Variants in ZBTB38 observed in about 807,000 individuals in gnomAD.
ZBTB38 encodes the protein zinc finger and BTB domain containing 38.
ZBTB38 carries 20 observed loss-of-function variants against 76.8 expected under a neutral mutation model. The observed-to-expected ratio is 0.26, with a 90% CI of 0.18 to 0.38. The LOEUF is 0.38. Ranked by LOEUF, ZBTB38 falls within the 10% of genes least tolerant of loss-of-function variation. ZBTB38 has a pLI of 1.00. For synonymous variants in ZBTB38, 504 were observed against 544.2 expected (o/e 0.93, Z 1.03); for missense variants, 1,082 against 1,482.3 (o/e 0.73, Z 4.43).
intron 5 of ZBTB38, chr3:141,426,315 A>C: frequency 1.5e-5 from 10 of 657,166 alleles, no homozygotes; most frequent in Non-Finnish European, 2.3e-5. Context: ...CATTGATCTC[A>C]AATTCTTTTT....
At chr3:141,374,208 T>C (rs534586082) in intron 2 of ZBTB38, among the ~76,000 whole-genome samples, 1 of 152,242 alleles carries the variant, frequency 6.6e-6, no homozygotes, top group South Asian at 2.1e-4. Flanking sequence ...ATCATTATTT[T>C]AAAGATTTTT....
At chr3:141,418,572 G>A (rs1252606127) in intron 5 of ZBTB38, among the ~76,000 whole-genome samples, 1 of 152,108 alleles carries the variant, frequency 6.6e-6, no homozygotes, top group African/African-American at 2.4e-5. Flanking sequence ...CTGAATGAGG[G>A]AAGAAATAAA....
chr3:141,384,256 A>G (rs977382506), intron 3 of ZBTB38, among the ~76,000 whole-genome samples: 1 of 152,248 alleles, frequency 6.6e-6, no homozygotes, highest in African/African-American at 2.4e-5. Flanking sequence ...TACAAGTACC[A>G]GTAGGGGACC....
At chr3:141,393,693 G>T (rs2149388578) in intron 4 of ZBTB38, among the ~76,000 whole-genome samples, 1 of 152,286 alleles carries the variant, frequency 6.6e-6, no homozygotes, top group African/African-American at 2.4e-5. Context: ...GCAGTCAGGA[G>T]GCAGCCAGGG....
Position 141,444,132 on chromosome 3 carries a change from C to T in ZBTB38, c.1744C>T (p.Arg582Ter). 4 of 1,613,848 alleles carry T rather than the reference C, an allele frequency of 2.5e-6. No individual in the cohort carries two copies. The highest frequency in any genetic ancestry group is 1.1e-5 in the South Asian group (1 of 91,068). ...CAAGAGAGCCCCTTATAAGAGCTAC[C>T]GAAATTCTTCCTATGAAAATGCACG... ...KCKRAPYKSYRNSSYENAREN... is the reference protein window; with the variant it reads ...KCKRAPYKSY The change falls in exon 6 of 6, where the codon CGA becomes TGA. Residue 582 changes from arginine (R) to a stop codon, truncating the protein, a stop_gained. Transcript: ENST00000321464. LOFTEE classifies it high-confidence loss of function. This position sits in a 1 kb window ranked among gnomAD's most constrained non-coding sequence, Gnocchi z 5.1.
upstream of ZBTB38, among the ~76,000 whole-genome samples, chr3:141,366,040 A>T (rs967725416): frequency 1.2e-4 from 18 of 152,188 alleles, no homozygotes; most frequent in Non-Finnish European, 1.5e-5. Context: ...AAGGAGGAGG[A>T]TGCTCCACTT....
Position 141,381,445 on chromosome 3 carries a change from C to A in ZBTB38, c.-214C>A, listed in dbSNP as rs1296258368. On this transcript the variant is annotated 5_prime_UTR_variant, in exon 3 of 6. Coordinates refer to ENST00000321464, the MANE Select transcript of ZBTB38 (RefSeq NM_001376113.1). ...TCCAGCTCTTTCCTGGAGAGTAACC[C>A]CAGTTTGGTCCACAAGGCTTGCTGC... The A allele has an allele frequency of 2.0e-5, 3 of 152,350 alleles. No homozygotes were observed. The highest frequency in any genetic ancestry group is 7.2e-5 in the African/African-American group (3 of 41,454). The allele number at this position is 152,350 out of a possible 1,614,324, so 9.4% of individuals were successfully genotyped here.
Position 141,444,342 on chromosome 3 carries a change from G to A in ZBTB38, c.1954G>A (p.Gly652Ser). The change falls in exon 6 of 6, where the codon GGT becomes AGT. Residue 652 changes from glycine to serine, a missense_variant. By Grantham distance (56) the Gly-to-Ser change is moderately conservative. This residue lies in a region of ZBTB38 where 471 missense variants were observed against 581.0 expected (regional missense o/e 0.81). Coordinates refer to ENST00000321464, the MANE Select transcript of ZBTB38 (RefSeq NM_001376113.1). The surrounding 1 kb of genome is among the most constrained non-coding windows in gnomAD (Gnocchi z 5.1). ...TTCTGCCAATGTACAAAATGCAGAG[G>A]GTACCAAATGGGGAGAGGAGGCATT... ...PTSANVQNAE[G>S]TKWGEEALKM... is the part of the protein sequence containing the mutation. 1 of 1,614,120 alleles carries A rather than the reference G, an allele frequency of 6.2e-7. No homozygotes were observed. Among genetic ancestry groups the A allele is most frequent in the Non-Finnish European group, 8.5e-7 (1 of 1,180,022 alleles).
At chr3:141,408,345 G>A (rs1955356892) in intron 5 of ZBTB38, among the ~76,000 whole-genome samples, 1 of 152,176 alleles carries the variant, frequency 6.6e-6, no homozygotes, top group Non-Finnish European at 1.5e-5. Flanking sequence ...TCAGGAGTTC[G>A]GGACCAGCCT....
rs1337973650 is a variant in ZBTB38, at chr3:141,362,406, T to C, written c.-738-6215T>C. 2.6e-5 allele frequency among the ~76,000 whole-genome samples: 4 copies of C among 152,090 alleles called. No homozygotes were observed. The South Asian group carries it at 6.2e-4, about 24-fold the overall frequency. ...GTTATGATCTAAACCCCCCACATCA[T>C]TAACATAAAATAGATAACATAAAAT... On this transcript the variant is annotated intron_variant, in intron 1 of 7. Transcript: ENST00000509842.
intron 1 of ZBTB38, among the ~76,000 whole-genome samples, chr3:141,324,647 T>A (rs1255785840): frequency 6.6e-6 from 1 of 152,110 alleles, no homozygotes; most frequent in African/African-American, 2.4e-5. Flanking sequence ...GCGTAGTGCC[T>A]AACATGTTGA....
intron 1 of ZBTB38, among the ~76,000 whole-genome samples, chr3:141,369,585 A>G (rs1944242492): frequency 6.6e-6 from 1 of 152,182 alleles, no homozygotes; most frequent in Non-Finnish European, 1.5e-5. Context: ...TAGAAATCAT[A>G]CCCTGATTTT....
At chr3:141,361,784 T>C (rs1943833689) in intron 1 of ZBTB38, among the ~76,000 whole-genome samples, 1 of 152,186 alleles carries the variant, frequency 6.6e-6, no homozygotes, top group South Asian at 2.1e-4. Context: ...TCACTACTGA[T>C]GGAGCTTCAT....
intron 2 of ZBTB38, among the ~76,000 whole-genome samples, chr3:141,372,400 G>A (rs1386490834): frequency 3.3e-5 from 5 of 152,156 alleles, no homozygotes; most frequent in Non-Finnish European, 5.9e-5. Flanking sequence ...TATAATCCCT[G>A]CACTTTGGGA....
At chr3:141,334,574 G>A (rs946555609) in intron 1 of ZBTB38, among the ~76,000 whole-genome samples, 1 of 151,798 alleles carries the variant, frequency 6.6e-6, no homozygotes, top group Non-Finnish European at 1.5e-5. Flanking sequence ...GCTGTACATG[G>A]GATGTCACCA....
intron 1 of ZBTB38, among the ~76,000 whole-genome samples, chr3:141,328,672 T>C (rs967971006): frequency 6.6e-6 from 1 of 151,754 alleles, no homozygotes; most frequent in Non-Finnish European, 1.5e-5. Context: ...ACACAGAGCG[T>C]CTCTAAAACA....
At chr3:141,346,443 T>A (rs1943355890) in intron 1 of ZBTB38, among the ~76,000 whole-genome samples, 1 of 152,198 alleles carries the variant, frequency 6.6e-6, no homozygotes, top group East Asian at 1.9e-4. Context: ...CCCTTTCTCC[T>A]TTCCTCCCTT....
At chr3:141,387,631 C>T (rs986426568) in intron 4 of ZBTB38, 2 of 152,210 alleles carry the variant, frequency 1.3e-5, no homozygotes, top group African/African-American at 4.8e-5. Flanking sequence ...AAATTCAACA[C>T]ACCACCTCCT....
chr3:141,355,494 AG>A (rs1423573476), intron 1 of ZBTB38, among the ~76,000 whole-genome samples: 1 of 151,942 alleles, frequency 6.6e-6, no homozygotes, highest in African/African-American at 2.4e-5. Context: ...TGGACCCTCT[AG>A]GGGGCCATGG....
Sources: gnomAD v4.1 joint callset for allele counts (sites outside exome capture counted in the v4.1 genomes callset) on GRCh38, gnomAD v4.1.1 for gene constraint, gnomAD v4.1.1 regional missense constraint, Gnocchi (gnomAD v3.1) non-coding constraint, MANE v1.5 for transcripts, NCBI Gene and HGNC (gene_info 2026-07-23, HGNC 2026-07-21) for gene names.